The following MAP3K15 variants were observed in gnomAD, a reference collection of about 807,000 sequenced individuals.
MAP3K15 encodes the protein MAPK/ERK kinase kinase 15.
A neutral mutation model predicts 99.5 loss-of-function variants in MAP3K15; 124 were observed. That is an observed-to-expected ratio of 1.25 (90% CI 1.08 to 1.45). MAP3K15 has a LOEUF of 1.45. Ranked by LOEUF, MAP3K15 falls within the 40% of genes most tolerant of loss-of-function variation. MAP3K15 has a pLI of 0.00. For missense variants in MAP3K15, 1,242 were observed against 1,079.7 expected (o/e 1.15, Z -2.11); for synonymous variants, 494 against 439.6 (o/e 1.12, Z -1.55).
intron 19 of MAP3K15, among the ~76,000 whole-genome samples, chrX:19,375,662 C>T (rs2063411786): frequency 8.9e-6 from 1 of 112,434 alleles, no homozygotes; most frequent in African/African-American, 3.2e-5. Context: ...GTCCTCCAGA[C>T]CCATGCCCAT....
rs761259768 is a variant in MAP3K15, at chrX:19,392,237, G to A, written c.2325+106C>T. ...GACTTTGCATTTTGGGGACGGTTGT[G>A]CTAAATCATACCCCTCTGTCAGCCA... On this transcript the variant is annotated intron_variant, in intron 17 of 28. Transcript: ENST00000338883. The A allele has an allele frequency of 4.2e-4, 443 of 1,051,726 alleles. 1 individual carries two copies. Among genetic ancestry groups the A allele is most frequent in the Middle Eastern group, 3.3e-3 (13 of 3,896 alleles). The allele number at this position is 1,051,726 out of a possible 1,213,427, so 86.7% of individuals were successfully genotyped here. A position where few individuals can be genotyped will look rare whatever the true frequency, so the allele number is the denominator to read the frequency against.
At position 19,368,942 on chromosome X, in the gene MAP3K15, T is replaced by C. The variant is rs1199971704; in HGVS notation, c.3566+112A>G. The C allele has an allele frequency of 3.5e-6, 3 of 864,049 alleles. No homozygotes were observed. In the East Asian group the frequency reaches 1.2e-4, roughly 33 times the overall value. The allele number at this position is 864,049 out of a possible 1,213,427, so 71.2% of individuals were successfully genotyped here. On this transcript the variant is annotated intron_variant, in intron 25 of 28. Coordinates refer to ENST00000338883, the MANE Select transcript of MAP3K15 (RefSeq NM_001001671.4). ...AGTTCGTGGATGATGAAGCTGCTTTTTCCTAAGACCTGGGTGAGATGGTCA... is the reference window on the plus strand; with the variant it reads ...AGTTCGTGGATGATGAAGCTGCTTTCTCCTAAGACCTGGGTGAGATGGTCA...
chrX:19,468,863 T>C (rs946897939), intron 3 of MAP3K15, among the ~76,000 whole-genome samples: 4 of 111,539 alleles, frequency 3.6e-5, no homozygotes, highest in African/African-American at 1.3e-4. Flanking sequence ...CTAGGTATTT[T>C]ATTCTCTTTG....
At chrX:19,399,495 T>C (rs1414010044) in intron 14 of MAP3K15, among the ~76,000 whole-genome samples, 1 of 104,310 alleles carries the variant, frequency 9.6e-6, no homozygotes, top group Non-Finnish European at 2.0e-5. Flanking sequence ...ACCTGGTAGG[T>C]GGAGGTTGCA....
At chrX:19,383,196 T>G (rs2147233659) in intron 18 of MAP3K15, among the ~76,000 whole-genome samples, 1 of 112,163 alleles carries the variant, frequency 8.9e-6, no homozygotes, top group South Asian at 3.7e-4. Flanking sequence ...GGCTTCCTGA[T>G]ACCTCAGGGC....
At position 19,515,312 on chromosome X, in the gene MAP3K15, C is replaced by T; in HGVS notation, c.-51G>A. 1.3e-6 allele frequency: 1 copy of T among 783,583 alleles called. No homozygotes were observed. Among genetic ancestry groups the T allele is most frequent in the Non-Finnish European group, 1.6e-6 (1 of 642,198 alleles). 64.6% of individuals were successfully genotyped at this position (783,583 alleles called of 1,213,427 possible). On this transcript the variant is annotated 5_prime_UTR_variant, in exon 1 of 29. Transcript: ENST00000338883. ...GGGCGAGTGGCCAGCGGCTGCGATC[C>T]GCTAGGAGGCACAAGTTACAGCAGC...
At chrX:19,383,110 C>G (rs947956474) in intron 18 of MAP3K15, among the ~76,000 whole-genome samples, 2 of 111,307 alleles carry the variant, frequency 1.8e-5, no homozygotes, top group African/African-American at 6.5e-5. Flanking sequence ...GAGGTACCTG[C>G]TCCAGCCTGG....
At chrX:19,504,023 G>A (rs1335913010) in intron 1 of MAP3K15, among the ~76,000 whole-genome samples, 2 of 106,292 alleles carry the variant, frequency 1.9e-5, no homozygotes, top group East Asian at 6.1e-4. Flanking sequence ...AGGAGGCTGA[G>A]GTAGGAAGAT....
chrX:19,493,025 T>C (rs927287354), intron 1 of MAP3K15, among the ~76,000 whole-genome samples: 9 of 110,600 alleles, frequency 8.1e-5, no homozygotes, highest in Non-Finnish European at 1.9e-5. Context: ...AGTAGCAACA[T>C]AGATATTAAT....
At chrX:19,508,783 C>G (rs1269129804) in intron 1 of MAP3K15, among the ~76,000 whole-genome samples, 8 of 110,154 alleles carry the variant, frequency 7.3e-5, no homozygotes, top group Non-Finnish European at 1.5e-4. Context: ...TTTTGGGAGG[C>G]TGAGGCAGGA....
At chrX:19,413,836 G>T (rs2063710056) in intron 10 of MAP3K15, among the ~76,000 whole-genome samples, 1 of 107,576 alleles carries the variant, frequency 9.3e-6, no homozygotes, top group Non-Finnish European at 1.9e-5. Flanking sequence ...AAGAACAGAA[G>T]GGGACGAAAA....
intron 25 of MAP3K15, among the ~76,000 whole-genome samples, chrX:19,363,211 G>C (rs1472484677): frequency 3.6e-5 from 4 of 112,021 alleles, no homozygotes; most frequent in Non-Finnish European, 7.5e-5. Flanking sequence ...TGAGAGGTGA[G>C]GTGAGAGGAG....
At chrX:19,389,137 G>A (rs189117840) in intron 18 of MAP3K15, among the ~76,000 whole-genome samples, 12 of 110,664 alleles carry the variant, frequency 1.1e-4, no homozygotes, top group African/African-American at 1.6e-4. Flanking sequence ...AGCTGGGGCT[G>A]GAGTGGGAAT....
At chrX:19,382,264 A>AT (rs1176090125) in intron 18 of MAP3K15, among the ~76,000 whole-genome samples, 1 of 108,437 alleles carries the variant, frequency 9.2e-6, no homozygotes, top group Non-Finnish European at 1.9e-5. Flanking sequence ...AAAAAAAAAA[A>AT]AAAGGAAAGC....
chrX:19,369,341 T>C, intron 24 of MAP3K15, 122 bp from the exon 25 acceptor site: 2 of 731,494 alleles, frequency 2.7e-6, no homozygotes, highest in East Asian at 3.3e-5. Flanking sequence ...CCATGCTCCA[T>C]TAGGGGACTG....
chrX:19,463,768 C>G (rs1569233455), intron 4 of MAP3K15, among the ~76,000 whole-genome samples: 1 of 111,331 alleles, frequency 9.0e-6, no homozygotes. Context: ...CGCACGAAGG[C>G]TTTTAAAGCA....
At chrX:19,381,939 T>A (rs963929619) in intron 18 of MAP3K15, among the ~76,000 whole-genome samples, 1 of 111,299 alleles carries the variant, frequency 9.0e-6, no homozygotes, top group African/African-American at 3.3e-5. Flanking sequence ...ATTACACAAC[T>A]AAAGGTTTAA....
intron 25 of MAP3K15, among the ~76,000 whole-genome samples, chrX:19,367,610 C>T (rs1032507040): frequency 1.8e-5 from 2 of 108,505 alleles, no homozygotes; most frequent in Non-Finnish European, 3.8e-5. Flanking sequence ...ATCCAAAATA[C>T]GTAACTGGCC....
chrX:19,365,812 G>C lies in MAP3K15; in HGVS notation c.3567-2962C>G, dbSNP rs761818350. Among the ~76,000 whole-genome samples the C allele has an allele frequency of 3.5e-4, 38 of 110,012 alleles. No homozygotes were observed. The East Asian group carries it at 5.7e-3, about 17-fold the overall frequency. On this transcript the variant is annotated intron_variant, in intron 25 of 28. Coordinates refer to ENST00000338883, the MANE Select transcript of MAP3K15 (RefSeq NM_001001671.4). ...ACCTGAGGTCAGGAGTTTGAGACCGGCCTGGCCAATATGGTGAAACCCCAT... is the reference window on the plus strand; with the variant it reads ...ACCTGAGGTCAGGAGTTTGAGACCGCCCTGGCCAATATGGTGAAACCCCAT...
Sources: allele counts gnomAD v4.1 joint callset (sites outside exome capture counted in the v4.1 genomes callset), GRCh38; gene constraint gnomAD v4.1.1; transcripts MANE v1.5; gene names NCBI Gene and HGNC (gene_info 2026-07-23, HGNC 2026-07-21).